Variants in TRPC4AP observed in about 807,000 individuals in gnomAD.
The protein encoded by TRPC4AP is short transient receptor potential channel 4-associated protein.
A neutral mutation model predicts 99.0 loss-of-function variants in TRPC4AP; 45 were observed. That is an observed-to-expected ratio of 0.45 (90% CI 0.36 to 0.58). The LOEUF is 0.58. Ranked by LOEUF, TRPC4AP falls within the 20% of genes least tolerant of loss-of-function variation. The pLI is 0.00. For missense variants in TRPC4AP, 879 were observed against 985.3 expected, an observed-to-expected ratio of 0.89 and a Z score of 1.44; for synonymous variants, 408 against 385.8, an observed-to-expected ratio of 1.06 and a Z score of -0.67.
Position 35,004,524 on chromosome 20 carries a change from C to G in TRPC4AP, c.1983G>C (p.Gln661His). Residue 661 changes from glutamine (Q) to histidine (H), a missense_variant, in exon 17 of 19, where the codon CAG becomes CAC. Transcript: ENST00000252015. ...AGAGGAAGGACATCTGCGTGGGCAC[C>G]TGGGATATGTAGGCGAGCAGGCGGC... ...SECRLLAYIS[Q>H]VPTQMSFLFR... is the part of the protein sequence containing the mutation. The G allele has an allele frequency of 1.9e-6, 3 of 1,614,104 alleles. No homozygotes were observed. Among genetic ancestry groups the G allele is most frequent in the East Asian group, 2.2e-5 (1 of 44,882 alleles).
At chr20:35,087,453 A>G (rs1346269184) in intron 1 of TRPC4AP, among the ~76,000 whole-genome samples, 2 of 152,186 alleles carry the variant, frequency 1.3e-5, no homozygotes, top group Non-Finnish European at 2.9e-5. Context: ...TGTGGGAAAT[A>G]TAACAGCATC....
chr20:35,073,432 AT>A (rs146363619), intron 2 of TRPC4AP, among the ~76,000 whole-genome samples: 6,713 of 152,212 alleles, frequency 0.044, 487 homozygotes, highest in African/African-American at 0.15. Flanking sequence ...AATAGCTCCT[AT>A]TATTTTAAGA....
At chr20:35,026,342 G>A (rs10875491) in intron 8 of TRPC4AP, among the ~76,000 whole-genome samples, 89,717 of 151,672 alleles carry the variant, frequency 0.59, 27,437 homozygotes, top group Middle Eastern at 0.74. Context: ...AGCCTCTTGA[G>A]TAGCTGGGAC....
At chr20:35,068,255 A>G (rs759962428) in intron 3 of TRPC4AP, among the ~76,000 whole-genome samples, 8 of 152,198 alleles carry the variant, frequency 5.3e-5, no homozygotes, top group African/African-American at 1.7e-4. Flanking sequence ...ACACATAAAC[A>G]CAGTATGTTG....
chr20:35,087,615 C>T (rs1600676921), intron 1 of TRPC4AP, among the ~76,000 whole-genome samples: 2 of 152,052 alleles, frequency 1.3e-5, no homozygotes, highest in South Asian at 2.1e-4. Context: ...GGGCCTTGTA[C>T]GCCCATGGTA....
Position 35,033,404 on chromosome 20 carries a change from T to C in TRPC4AP, c.1051+1719A>G, listed in dbSNP as rs77085049. On this transcript the variant is annotated intron_variant, in intron 8 of 18. Coordinates refer to ENST00000252015, the MANE Select transcript of TRPC4AP (RefSeq NM_015638.3). ...TGTACAGAGTCTCCCTGGGATGACATTGAGCCAGGCTGTCTTTGACTAGCT... is the reference window on the plus strand; with the variant it reads ...TGTACAGAGTCTCCCTGGGATGACACTGAGCCAGGCTGTCTTTGACTAGCT... 6.3e-3 allele frequency among the ~76,000 whole-genome samples: 960 copies of C among 152,268 alleles called. 6 individuals carry two copies. Among genetic ancestry groups the C allele is most frequent in the African/African-American group, 0.021 (875 of 41,566 alleles).
At chr20:35,048,011 A>T (rs970038274) in intron 6 of TRPC4AP, among the ~76,000 whole-genome samples, 2 of 151,980 alleles carry the variant, frequency 1.3e-5, no homozygotes, top group African/African-American at 2.4e-5. Context: ...GTTTCCACTG[A>T]TACACACACT....
chr20:35,042,106 C>T (rs1288367200), intron 7 of TRPC4AP, among the ~76,000 whole-genome samples: 4 of 152,142 alleles, frequency 2.6e-5, no homozygotes, highest in Admixed American at 6.6e-5. Flanking sequence ...TGGAAAGTCA[C>T]ATATTTTTTA....
chr20:35,023,726 C>T (rs1013441607), intron 8 of TRPC4AP, among the ~76,000 whole-genome samples: 4 of 152,204 alleles, frequency 2.6e-5, no homozygotes, highest in African/African-American at 4.8e-5. Context: ...TGAGACCTTG[C>T]GTGCTTGGCA....
At chr20:35,044,409 AAAAAAAG>A in intron 7 of TRPC4AP, 89 bp downstream of exon 7, 1 of 1,289,382 alleles carries the variant, frequency 7.8e-7, no homozygotes, top group Non-Finnish European at 1.1e-6. Context: ...GGAAAAAAAA[AAAAAAAG>A]AAAAGAAAAG....
At chr20:35,047,900 G>A (rs1427696637) in intron 6 of TRPC4AP, among the ~76,000 whole-genome samples, 1 of 152,052 alleles carries the variant, frequency 6.6e-6, no homozygotes, top group Non-Finnish European at 1.5e-5. Context: ...TCAGGGTAAA[G>A]CTTCCCTAGG....
chr20:35,011,894 C>G (rs1048061737), intron 11 of TRPC4AP, among the ~76,000 whole-genome samples: 1 of 152,230 alleles, frequency 6.6e-6, no homozygotes, highest in African/African-American at 2.4e-5. Flanking sequence ...TCACAGACCC[C>G]GTTCCTCTCC....
chr20:35,085,932 T>C (rs1434171933), intron 1 of TRPC4AP, among the ~76,000 whole-genome samples: 1 of 152,132 alleles, frequency 6.6e-6, no homozygotes, highest in Non-Finnish European at 1.5e-5. Context: ...ATCCTAAATG[T>C]AAGACATCTA....
At chr20:35,016,953 G>C (rs1170292632) in intron 9 of TRPC4AP, among the ~76,000 whole-genome samples, 1 of 152,130 alleles carries the variant, frequency 6.6e-6, no homozygotes, top group East Asian at 1.9e-4. Context: ...TTGGTGGGAG[G>C]GCACACTGGT....
intron 17 of TRPC4AP, among the ~76,000 whole-genome samples, chr20:35,004,046 C>T (rs570148778): frequency 4.6e-5 from 7 of 152,338 alleles, no homozygotes; most frequent in African/African-American, 1.2e-4. Flanking sequence ...CACCTCAGAA[C>T]GGAACCAAAG....
At chr20:35,043,144 A>G (rs1482041384) in intron 7 of TRPC4AP, among the ~76,000 whole-genome samples, 1 of 152,152 alleles carries the variant, frequency 6.6e-6, no homozygotes, top group Non-Finnish European at 1.5e-5. Flanking sequence ...TCAAAGCTAC[A>G]CAATTTTCCA....
At chr20:35,082,631 C>T (rs1289727560) in intron 1 of TRPC4AP, among the ~76,000 whole-genome samples, 3 of 152,092 alleles carry the variant, frequency 2.0e-5, no homozygotes, top group African/African-American at 4.8e-5. Flanking sequence ...AGGCCAGTTT[C>T]ACTAACGACG....
intron 6 of TRPC4AP, among the ~76,000 whole-genome samples, chr20:35,045,068 A>G (rs1275548465): frequency 6.6e-6 from 1 of 152,138 alleles, no homozygotes; most frequent in East Asian, 1.9e-4. Flanking sequence ...TTCTTGCTAC[A>G]GATTTGCTTT....
chr20:35,030,464 T>C (rs1236500069), intron 8 of TRPC4AP: 3 of 152,332 alleles, frequency 2.0e-5, no homozygotes, highest in Non-Finnish European at 4.4e-5. Context: ...ATCTTCATTC[T>C]TTTTGTGCTG....
Sources: allele counts gnomAD v4.1 joint callset (sites outside exome capture counted in the v4.1 genomes callset), GRCh38; gene constraint gnomAD v4.1.1; transcripts MANE v1.5; gene names NCBI Gene and HGNC (gene_info 2026-07-23, HGNC 2026-07-21).